The following CCBE1 variants were observed in gnomAD, a reference collection of about 807,000 sequenced individuals.
The protein encoded by CCBE1 is collagen and calcium-binding EGF domain-containing protein 1.
In CCBE1, 37 loss-of-function variants were observed where a neutral mutation model predicts 50.0. That is an observed-to-expected ratio of 0.74 (90% CI 0.57 to 0.97). CCBE1 has a LOEUF of 0.97. Among genes scored for constraint, CCBE1 ranks in the 50% least tolerant of loss-of-function variants. The probability of loss-of-function intolerance (pLI) is 0.00; values close to 1 mark genes in which losing one functional copy is unlikely to be tolerated. For missense variants in CCBE1, 538 were observed against 523.8 expected (o/e 1.03, Z -0.26); for synonymous variants, 234 against 203.7 (o/e 1.15, Z -1.27).
intron 2 of CCBE1, among the ~76,000 whole-genome samples, chr18:59,510,003 C>G (rs1015944788): frequency 1.3e-5 from 2 of 152,192 alleles, no homozygotes; most frequent in Non-Finnish European, 2.9e-5. Flanking sequence ...AAAAAAACAT[C>G]ACGGAACCCA....
At chr18:59,577,663 T>A (rs2053019287) in intron 2 of CCBE1, among the ~76,000 whole-genome samples, 1 of 152,202 alleles carries the variant, frequency 6.6e-6, no homozygotes, top group African/African-American at 2.4e-5. Flanking sequence ...ACACCCCATG[T>A]GTGTTAGCGG....
chr18:59,452,349 T>C (rs749060192), intron 6 of CCBE1, among the ~76,000 whole-genome samples: 33 of 152,092 alleles, frequency 2.2e-4, no homozygotes, highest in Non-Finnish European at 4.1e-4. Flanking sequence ...TCCCAGGCCT[T>C]TGGGAGGCCG....
intron 2 of CCBE1, among the ~76,000 whole-genome samples, chr18:59,487,487 A>G (rs1332227854): frequency 6.6e-6 from 1 of 152,194 alleles, no homozygotes; most frequent in Non-Finnish European, 1.5e-5. Flanking sequence ...ACAGAACTGA[A>G]TAAAATCAGT....
chr18:59,488,652 A>T (rs1912940668), intron 2 of CCBE1, among the ~76,000 whole-genome samples: 1 of 152,132 alleles, frequency 6.6e-6, no homozygotes, highest in Admixed American at 6.6e-5. Flanking sequence ...CCCAGGTGAG[A>T]ATCCGGGCTC....
intron 2 of CCBE1, among the ~76,000 whole-genome samples, chr18:59,620,030 T>C (rs1011415227): frequency 2.6e-5 from 4 of 152,028 alleles, no homozygotes; most frequent in African/African-American, 7.3e-5. Context: ...ATCTTCACCA[T>C]TGTAAGCCAA....
Position 59,448,046 on chromosome 18 carries a change from C to A in CCBE1, c.712G>T (p.Val238Leu). ...GGAAGGTAGGTGTTTGAGGCCAGCA[C>A]CTTGTCACCAGTGATATACTTGCCC... ...DLGKYITGDK[V>L]LASNTYLPGP... Residue 238 changes from valine (V) to leucine (L), a missense_variant, in exon 7 of 11, where the codon GTG becomes TTG. By Grantham distance (32) the Val-to-Leu change is conservative (BLOSUM62 1). Transcript: ENST00000439986. 1 of 1,614,146 alleles carries A rather than the reference C, an allele frequency of 6.2e-7. No individual in the cohort carries two copies. The highest frequency in any genetic ancestry group is 1.1e-5 in the South Asian group (1 of 91,068).
chr18:59,694,022 C>A (rs1218116579), intron 2 of CCBE1, among the ~76,000 whole-genome samples: 1 of 151,868 alleles, frequency 6.6e-6, no homozygotes, highest in African/African-American at 2.4e-5. Context: ...CAGGTGTGTG[C>A]CACCACACCA....
intron 2 of CCBE1, among the ~76,000 whole-genome samples, chr18:59,520,651 A>C (rs1437422798): frequency 6.6e-6 from 1 of 152,268 alleles, no homozygotes; most frequent in Non-Finnish European, 1.5e-5. Context: ...CAAAACCTAC[A>C]GAAGGCAACA....
At chr18:59,647,637 C>T (rs532139164) in intron 2 of CCBE1, among the ~76,000 whole-genome samples, 56 of 152,144 alleles carry the variant, frequency 3.7e-4, no homozygotes, top group African/African-American at 1.3e-3. Context: ...AGGAAATGCA[C>T]GCATATTAGA....
At chr18:59,670,063 C>T (rs1203568076) in intron 2 of CCBE1, among the ~76,000 whole-genome samples, 1 of 151,584 alleles carries the variant, frequency 6.6e-6, no homozygotes, top group East Asian at 1.9e-4. Flanking sequence ...TGCTTCTTGC[C>T]TTTCCATCTT....
rs12954586 is a variant in CCBE1 at position 59,589,743 on chromosome 18, G to A, written c.212+106886C>T. Among the ~76,000 whole-genome samples the A allele has an allele frequency of 6.5e-3, 912 of 140,672 alleles. 9 individuals carry two copies. The highest frequency in any genetic ancestry group is 8.9e-3 in the Non-Finnish European group (588 of 66,438). 92.3% of individuals were successfully genotyped at this position (140,672 alleles called of 152,430 possible). ...GAACCCAGGAGGCAGAGCTTGCAGTGAGCCGAGATTGCGCCACTGCCAGGG... is the reference window on the plus strand; with the variant it reads ...GAACCCAGGAGGCAGAGCTTGCAGTAAGCCGAGATTGCGCCACTGCCAGGG... On this transcript the variant is annotated intron_variant, in intron 2 of 10. Transcript: ENST00000439986.
intron 2 of CCBE1, among the ~76,000 whole-genome samples, chr18:59,541,739 G>A (rs1490427289): frequency 1.3e-5 from 2 of 152,164 alleles, no homozygotes; most frequent in African/African-American, 4.8e-5. Context: ...GGAAAAGGAA[G>A]ACACAAGATA....
Position 59,646,488 on chromosome 18 carries a change from C to T in CCBE1, c.212+50141G>A, listed in dbSNP as rs189727778. Reference sequence around the variant, plus strand: ...GCACCCAGGGCATGCTGGTGAGAGACGGATGAGGGTCTTGGGTTGGGACAG... The same window carrying T: ...GCACCCAGGGCATGCTGGTGAGAGATGGATGAGGGTCTTGGGTTGGGACAG... On this transcript the variant is annotated intron_variant, in intron 2 of 10. Coordinates refer to ENST00000439986, the MANE Select transcript of CCBE1 (RefSeq NM_133459.4). 9.3e-4 allele frequency among the ~76,000 whole-genome samples: 142 copies of T among 152,102 alleles called. 1 individual carries two copies. The highest frequency in any genetic ancestry group is 1.5e-3 in the Non-Finnish European group (104 of 68,016).
chr18:59,672,344 G>A (rs2054443201), intron 2 of CCBE1, among the ~76,000 whole-genome samples: 1 of 152,156 alleles, frequency 6.6e-6, no homozygotes. Context: ...TAGACTGGCT[G>A]GCCCTGTCAC....
chr18:59,628,380 A>AT (rs545007169), intron 2 of CCBE1, among the ~76,000 whole-genome samples: 32 of 152,170 alleles, frequency 2.1e-4, no homozygotes, highest in African/African-American at 6.7e-4. Flanking sequence ...ACAAAATGGT[A>AT]TTTTTTCCTA....
chr18:59,573,284 A>AATATATATATATATATATATATAT lies in CCBE1; in HGVS notation c.213-93047_213-93046insATATATATATATATATATATATAT, dbSNP rs71336346. ...TGGGCAATATAGTGAGACTCCGTCT[A>AATATATATATATATATATATATAT]ATATATATATATATATATGTATGTA... On this transcript the variant is annotated intron_variant, in intron 2 of 10. Transcript: ENST00000439986. Among the ~76,000 whole-genome samples the AATATATATATATATATATATATAT allele has an allele frequency of 4.6e-3, 434 of 93,474 alleles. 18 individuals carry two copies. Among genetic ancestry groups the AATATATATATATATATATATATAT allele is most frequent in the Middle Eastern group, 0.011 (2 of 174 alleles). The allele number at this position is 93,474 out of a possible 152,430, so 61.3% of individuals were successfully genotyped here.
intron 2 of CCBE1, among the ~76,000 whole-genome samples, chr18:59,626,373 A>G (rs1439731611): frequency 6.6e-6 from 1 of 152,192 alleles, no homozygotes; most frequent in Non-Finnish European, 1.5e-5. Context: ...GTATCCAGAT[A>G]AATGTGGAAA....
At chr18:59,475,929 G>A (rs1257477545) in intron 3 of CCBE1, among the ~76,000 whole-genome samples, 1 of 152,172 alleles carries the variant, frequency 6.6e-6, no homozygotes, top group African/African-American at 2.4e-5. Flanking sequence ...ATTTTGGCCA[G>A]ACTGGTTTTG....
intron 2 of CCBE1, among the ~76,000 whole-genome samples, chr18:59,638,753 T>G (rs1419632359): frequency 6.6e-6 from 1 of 152,218 alleles, no homozygotes; most frequent in African/African-American, 2.4e-5. Flanking sequence ...TTCACAAATG[T>G]CTTCAAGAAA....
Sources: allele counts gnomAD v4.1 joint callset (sites outside exome capture counted in the v4.1 genomes callset), GRCh38; gene constraint gnomAD v4.1.1; transcripts MANE v1.5; gene names NCBI Gene and HGNC (gene_info 2026-07-23, HGNC 2026-07-21).